Variants in SH2D4B observed in about 807,000 individuals in gnomAD.
SH2D4B encodes SH2 domain-containing protein 4B.
SH2D4B carries 45 observed loss-of-function variants against 61.5 expected under a neutral mutation model. That is an observed-to-expected ratio of 0.73 (90% CI 0.58 to 0.94). The LOEUF (loss-of-function observed/expected upper bound fraction) is 0.94, where lower values mean the gene tolerates loss of function less well. SH2D4B is among the 40% of genes least tolerant of loss of function. The pLI is 0.00. For missense variants in SH2D4B, 572 were observed against 574.2 expected, an observed-to-expected ratio of 1.00 and a Z score of 0.04; for synonymous variants, 224 against 220.4, an observed-to-expected ratio of 1.02 and a Z score of -0.14.
chr10:80,628,688 A>AT (rs1271960840), intron 6 of SH2D4B, among the ~76,000 whole-genome samples: 1 of 152,120 alleles, frequency 6.6e-6, no homozygotes, highest in Non-Finnish European at 1.5e-5. Context: ...CCAAATTGCA[A>AT]TTTTGATTTC....
chr10:80,550,267 G>A (rs1306724069), intron 1 of SH2D4B, among the ~76,000 whole-genome samples: 1 of 152,160 alleles, frequency 6.6e-6, no homozygotes, highest in Non-Finnish European at 1.5e-5. Flanking sequence ...GCACCCCTAT[G>A]CATTTCATAA....
At chr10:80,550,369 G>A (rs564465580) in intron 1 of SH2D4B, among the ~76,000 whole-genome samples, 9 of 152,228 alleles carry the variant, frequency 5.9e-5, no homozygotes, top group Non-Finnish European at 1.0e-4. Context: ...TGAGGTGGGC[G>A]GATCACGAGG....
intron 6 of SH2D4B, among the ~76,000 whole-genome samples, chr10:80,619,791 G>T (rs1392890529): frequency 6.6e-6 from 1 of 152,212 alleles, no homozygotes; most frequent in African/African-American, 2.4e-5. Flanking sequence ...GCTTTGTTTG[G>T]CTTTAGCACC....
At chr10:80,563,111 C>T (rs979041549) in intron 1 of SH2D4B, among the ~76,000 whole-genome samples, 13 of 151,654 alleles carry the variant, frequency 8.6e-5, no homozygotes, top group African/African-American at 3.2e-4. Context: ...CCGTTTTAGC[C>T]GGGATGGTCT....
intron 7 of SH2D4B, among the ~76,000 whole-genome samples, chr10:80,637,672 A>T (rs537599545): frequency 2.0e-5 from 3 of 152,354 alleles, no homozygotes; most frequent in Admixed American, 6.5e-5. Flanking sequence ...TTATCAGCTT[A>T]AGGAGATTTT....
At chr10:80,633,979 T>A (rs1224738792) in intron 6 of SH2D4B, among the ~76,000 whole-genome samples, 1 of 152,244 alleles carries the variant, frequency 6.6e-6, no homozygotes, top group Non-Finnish European at 1.5e-5. Flanking sequence ...TCACTACTAA[T>A]TCCTTGCTTA....
chr10:80,603,188 A>G (rs1272712071), intron 4 of SH2D4B, among the ~76,000 whole-genome samples: 1 of 152,004 alleles, frequency 6.6e-6, no homozygotes, highest in Non-Finnish European at 1.5e-5. Flanking sequence ...GGATTTGAGG[A>G]GCTGCTCTGA....
intron 7 of SH2D4B, among the ~76,000 whole-genome samples, chr10:80,642,587 A>G (rs1237880241): frequency 6.6e-6 from 1 of 152,176 alleles, no homozygotes; most frequent in African/African-American, 2.4e-5. Flanking sequence ...AGCTCTTCCT[A>G]TGTTAATCCG....
intron 3 of SH2D4B, among the ~76,000 whole-genome samples, chr10:80,573,230 C>A (rs1371048462): frequency 6.7e-6 from 1 of 150,252 alleles, no homozygotes; most frequent in African/African-American, 2.4e-5. Context: ...TCGTGATCCG[C>A]CCACCTCGGC....
intron 1 of SH2D4B, among the ~76,000 whole-genome samples, chr10:80,546,016 TTCTTTCTC>T (rs1197964732): frequency 6.7e-6 from 1 of 149,968 alleles, no homozygotes; most frequent in African/African-American, 2.5e-5. Flanking sequence ...CTCTCTTTCT[TTCTTTCTC>T]TTTCTTTCTT....
chr10:80,543,332 G>A (rs1265095812), intron 1 of SH2D4B, among the ~76,000 whole-genome samples: 4 of 152,108 alleles, frequency 2.6e-5, no homozygotes, highest in East Asian at 1.9e-4. Flanking sequence ...GGCGGACCCC[G>A]CACTCGGAGC....
At chr10:80,566,172 A>G (rs922704889) in intron 1 of SH2D4B, among the ~76,000 whole-genome samples, 2 of 150,928 alleles carry the variant, frequency 1.3e-5, no homozygotes, top group East Asian at 3.9e-4. Flanking sequence ...TTGTTTGGAG[A>G]AGAAGAGCCC....
intron 1 of SH2D4B, among the ~76,000 whole-genome samples, chr10:80,546,002 CTCTCTCTCTTTCTTTCTT>C (rs375022595): frequency 1.2e-4 from 17 of 146,950 alleles, no homozygotes; most frequent in African/African-American, 4.3e-4. Flanking sequence ...TCTCTCCTTT[CTCTCTCTCTTTCTTTCTT>C]TCTCTTTCTT....
At chr10:80,602,416 T>A (rs1274893719) in intron 4 of SH2D4B, among the ~76,000 whole-genome samples, 2 of 152,200 alleles carry the variant, frequency 1.3e-5, no homozygotes, top group Non-Finnish European at 2.9e-5. Context: ...TGAGCTGTGA[T>A]CGCACCACTG....
At chr10:80,547,140 AGG>A (rs1430613310) in intron 1 of SH2D4B, among the ~76,000 whole-genome samples, 1 of 152,174 alleles carries the variant, frequency 6.6e-6, no homozygotes, top group Non-Finnish European at 1.5e-5. Context: ...TTTCCCTCTG[AGG>A]GGCAGTGATA....
intron 2 of SH2D4B, among the ~76,000 whole-genome samples, chr10:80,570,625 G>A (rs1842030259): frequency 6.6e-6 from 1 of 152,168 alleles, no homozygotes; most frequent in Admixed American, 6.5e-5. Flanking sequence ...TAACCATAGT[G>A]AATGTTTAGT....
intron 6 of SH2D4B, among the ~76,000 whole-genome samples, chr10:80,615,677 C>T (rs746957737): frequency 2.6e-5 from 4 of 151,936 alleles, no homozygotes; most frequent in East Asian, 1.9e-4. Flanking sequence ...CCAGTCCAAA[C>T]CCCTGTTCTT....
intron 1 of SH2D4B, among the ~76,000 whole-genome samples, chr10:80,550,303 C>T (rs1841741399): frequency 6.6e-6 from 1 of 152,128 alleles, no homozygotes; most frequent in Non-Finnish European, 1.5e-5. Flanking sequence ...GATTGAAAGA[C>T]ACATCATTGG....
chr10:80,551,015 GGAAAA>G (rs1841753318), intron 1 of SH2D4B, among the ~76,000 whole-genome samples: 5 of 152,018 alleles, frequency 3.3e-5, no homozygotes, highest in African/African-American at 1.2e-4. Context: ...AGCACAACAA[GGAAAA>G]GAAAAAGAAA....
Sources: allele counts gnomAD v4.1 joint callset (sites outside exome capture counted in the v4.1 genomes callset), GRCh38; gene constraint gnomAD v4.1.1; transcripts MANE v1.5; gene names NCBI Gene and HGNC (gene_info 2026-07-23, HGNC 2026-07-21).